ARHGEF11: variants seen among roughly 807,000 people sequenced by gnomAD.
ARHGEF11 encodes the protein Rho guanine nucleotide exchange factor 11.
Under a neutral mutation model 193.7 loss-of-function variants are expected in ARHGEF11, and 55 were observed. The observed-to-expected ratio is 0.28, with a 90% CI of 0.23 to 0.36. The LOEUF is 0.36. ARHGEF11 is among the 10% of genes least tolerant of loss of function. The pLI, the probability that ARHGEF11 is intolerant of heterozygous loss-of-function variation, is 1.00. For synonymous variants in ARHGEF11, 693 were observed against 768.0 expected (o/e 0.90, Z 1.62); for missense variants, 1,723 against 2,005.6 (o/e 0.86, Z 2.69).
intron 1 of ARHGEF11, among the ~76,000 whole-genome samples, chr1:157,012,483 T>C (rs1289772465): frequency 2.0e-5 from 3 of 152,190 alleles, no homozygotes; most frequent in Non-Finnish European, 2.9e-5. Context: ...ATATGTGCAA[T>C]ATATTTCAAA....
intron 1 of ARHGEF11, among the ~76,000 whole-genome samples, chr1:157,042,978 C>A (rs943223711): frequency 2.0e-5 from 3 of 152,174 alleles, no homozygotes; most frequent in Non-Finnish European, 4.4e-5. Flanking sequence ...GGAAGGAGGT[C>A]TGAACTGGCC....
intron 1 of ARHGEF11, among the ~76,000 whole-genome samples, chr1:157,036,641 C>T (rs1336850761): frequency 6.6e-6 from 1 of 152,022 alleles, no homozygotes; most frequent in Non-Finnish European, 1.5e-5. Flanking sequence ...TCTTAAAAAG[C>T]TGTATTGAAG....
chr1:157,024,012 A>T (rs1003165840), intron 1 of ARHGEF11, among the ~76,000 whole-genome samples: 3 of 152,242 alleles, frequency 2.0e-5, no homozygotes, highest in African/African-American at 7.2e-5. Flanking sequence ...CATTATTCAT[A>T]ATAGCCAAAA....
At chr1:156,949,210 T>C in intron 22 of ARHGEF11, 6 of 628,792 alleles carry the variant, frequency 9.5e-6, no homozygotes, top group Non-Finnish European at 1.2e-5. Context: ...ACCCGCTCCT[T>C]GGCCTGCCGT....
At chr1:156,938,266 G>A (rs902900211) in intron 38 of ARHGEF11, 152 bp downstream of exon 38, 12 of 662,338 alleles carry the variant, frequency 1.8e-5, no homozygotes, top group African/African-American at 3.7e-5. Context: ...AGATCTCCCC[G>A]TCTTTAGAGC....
intron 1 of ARHGEF11, among the ~76,000 whole-genome samples, chr1:157,043,238 A>G (rs1351096549): frequency 1.3e-5 from 2 of 152,180 alleles, no homozygotes; most frequent in African/African-American, 2.4e-5. Context: ...TATCTCTCCA[A>G]TAATATTTTT....
Position 157,002,761 on chromosome 1 carries a change from C to CATG in ARHGEF11, c.33-16591_33-16589dup, listed in dbSNP as rs1414416930. ...TGTGACTGATTGATAAATGGGAACT[C>CATG]ATGATGATAATAATAATAAGAGCTA... On this transcript the variant is annotated intron_variant, in intron 1 of 40. Coordinates refer to ENST00000368194, the MANE Select transcript of ARHGEF11 (RefSeq NM_198236.3). Among the ~76,000 whole-genome samples the CATG allele has an allele frequency of 3.3e-5, 5 of 152,150 alleles. No homozygotes were observed. The East Asian group carries it at 9.6e-4, about 29-fold the overall frequency.
At chr1:156,971,548 T>C (rs1174741823) in intron 8 of ARHGEF11, 149 bp downstream of exon 8, 5 of 1,073,042 alleles carry the variant, frequency 4.7e-6, no homozygotes, top group Non-Finnish European at 6.3e-6. Flanking sequence ...GGTGCTGACC[T>C]TGGTTTCTTT....
At chr1:157,013,754 T>C (rs1055554552) in intron 1 of ARHGEF11, among the ~76,000 whole-genome samples, 15 of 152,316 alleles carry the variant, frequency 9.8e-5, no homozygotes, top group Admixed American at 7.8e-4. Context: ...GGCTCCAGTT[T>C]CCTCTCATAC....
intron 3 of ARHGEF11, 149 bp from the exon 4 acceptor site, chr1:156,980,635 T>C: frequency 3.7e-6 from 3 of 821,830 alleles, no homozygotes; most frequent in Non-Finnish European, 5.9e-6. Flanking sequence ...CCTATTCTAC[T>C]CCAGTGACAC....
chr1:157,046,596 T>C (rs1236440066), upstream of ARHGEF11, among the ~76,000 whole-genome samples: 1 of 149,722 alleles, frequency 6.7e-6, no homozygotes, highest in East Asian at 1.9e-4. Flanking sequence ...CTGTTTCCTC[T>C]CGGGTTGGGT....
chr1:156,936,023 C>T lies in ARHGEF11; in HGVS notation c.4666G>A (p.Ala1556Thr), dbSNP rs377720314. ...GGTTATGGTCCTGGTGACGCGGCTG[C>T]GTCTGCTGTGCTGTCTTCCAGGGGG... Reference protein sequence around the residue: ...DAPLEDSTADAAASPGP With the variant: ...DAPLEDSTADTAASPGP Residue 1556 changes from alanine to threonine, a missense_variant, in exon 41 of 41, where the codon GCA (alanine) becomes ACA (threonine). Ala to Thr is a moderately conservative substitution (Grantham distance 58). Around this residue, in one of 5 missense-constraint regions of ARHGEF11, gnomAD observed 360 missense variants for 344.4 expected, o/e 1.05. Coordinates refer to ENST00000368194, the MANE Select transcript of ARHGEF11 (RefSeq NM_198236.3). 8.1e-6 allele frequency: 13 copies of T among 1,613,548 alleles called. No individual in the cohort carries two copies. Among genetic ancestry groups the T allele is most frequent in the Admixed American group, 3.3e-5 (2 of 59,964 alleles).
chr1:156,946,613 GTGACCTTGA>G (rs1181465923), intron 28 of ARHGEF11, 40 bp downstream of exon 28: 1 of 1,612,816 alleles, frequency 6.2e-7, no homozygotes, highest in Non-Finnish European at 8.5e-7. Context: ...GAGATCCTTG[GTGACCTTGA>G]TGGAGATGAA....
Position 156,946,761 on chromosome 1 carries a change from G to T in ARHGEF11, c.2595C>A (p.Leu865=). The T allele has an allele frequency of 1.2e-6, 2 of 1,614,200 alleles. No homozygotes were observed. The highest frequency in any genetic ancestry group is 1.7e-6 in the Non-Finnish European group (2 of 1,180,020). Reference sequence around the variant, plus strand: ...AACAGAACTGTGCAGCCACTTGCTGGAGTTCCTCTCGGGCAGGGCCATCAA... The same window carrying T: ...AACAGAACTGTGCAGCCACTTGCTGTAGTTCCTCTCGGGCAGGGCCATCAA... ...ARFDGPAREE[L]QQVAAQFCSY... Residue 865 remains leucine, a synonymous_variant, in exon 28 of 41, where the codon CTC becomes CTA. Transcript: ENST00000368194.
intron 37 of ARHGEF11, 147 bp from the exon 38 acceptor site, chr1:156,938,660 G>C (rs1182433348): frequency 1.6e-6 from 1 of 641,154 alleles, no homozygotes; most frequent in East Asian, 2.8e-5. Context: ...GATCATACAC[G>C]ATGACATCCC....
At chr1:156,960,611 C>A (rs76865780) in intron 14 of ARHGEF11, 151 bp from the exon 15 acceptor site, 15,957 of 660,878 alleles carry the variant, frequency 0.024, 312 homozygotes, top group South Asian at 0.051. Context: ...TCCAACTGCA[C>A]ACCTGAATTC....
intron 39 of ARHGEF11, 60 bp downstream of exon 39, chr1:156,937,189 G>A: frequency 6.2e-7 from 1 of 1,607,594 alleles, no homozygotes; most frequent in Non-Finnish European, 8.5e-7. Context: ...TCACTCATGG[G>A]GAATGGTTTT....
intron 1 of ARHGEF11, among the ~76,000 whole-genome samples, chr1:157,022,717 A>T (rs1021148262): frequency 1.3e-5 from 2 of 152,218 alleles, no homozygotes; most frequent in African/African-American, 4.8e-5. Flanking sequence ...CGGCCATAAT[A>T]GTCTTGAAAA....
At chr1:156,987,125 G>C (rs887182621) in intron 1 of ARHGEF11, among the ~76,000 whole-genome samples, 1 of 152,222 alleles carries the variant, frequency 6.6e-6, no homozygotes, top group African/African-American at 2.4e-5. Flanking sequence ...TTGGAAAAGT[G>C]TACAAGTTGC....
Sources: gnomAD v4.1 joint callset for allele counts (sites outside exome capture counted in the v4.1 genomes callset) on GRCh38, gnomAD v4.1.1 for gene constraint, gnomAD v4.1.1 regional missense constraint, MANE v1.5 for transcripts, NCBI Gene and HGNC (gene_info 2026-07-23, HGNC 2026-07-21) for gene names.